The following SPEF2 variants were observed in gnomAD, a reference collection of about 807,000 sequenced individuals.
The protein encoded by SPEF2 is sperm flagellar and cilia associated 2.
In SPEF2, 187 loss-of-function variants were observed where a neutral mutation model predicts 224.6. The observed-to-expected ratio is 0.83, with a 90% CI of 0.74 to 0.94. The LOEUF is 0.94. Among genes scored for constraint, SPEF2 ranks in the 40% least tolerant of loss-of-function variants. The pLI, the probability that SPEF2 is intolerant of heterozygous loss-of-function variation, is 0.00. For missense variants in SPEF2, 2,170 were observed against 2,135.6 expected (o/e 1.02, Z -0.32); for synonymous variants, 715 against 707.3 (o/e 1.01, Z -0.17).
At chr5:35,654,850 C>T (rs1748743312) in intron 7 of SPEF2, 124 bp downstream of exon 7, 5 of 747,226 alleles carry the variant, frequency 6.7e-6, no homozygotes, top group African/African-American at 1.8e-5. Flanking sequence ...GTCACTTTCA[C>T]ATCCTCATCA....
At chr5:35,636,165 G>C (rs1255094004) in intron 2 of SPEF2, among the ~76,000 whole-genome samples, 2 of 152,108 alleles carry the variant, frequency 1.3e-5, no homozygotes, top group Non-Finnish European at 2.9e-5. Flanking sequence ...TAAAGTCTAT[G>C]TTCCCTCTTG....
chr5:35,665,768 A>G (rs913560063), intron 8 of SPEF2, among the ~76,000 whole-genome samples: 13 of 152,124 alleles, frequency 8.5e-5, no homozygotes, highest in Admixed American at 3.9e-4. Flanking sequence ...CTCTTTCTCC[A>G]TAAAAACAGG....
chr5:35,618,177 G>T (rs1211177839), intron 1 of SPEF2, 122 bp downstream of exon 1: 1 of 1,057,534 alleles, frequency 9.5e-7, no homozygotes, highest in Admixed American at 2.1e-5. Flanking sequence ...TGGGGCACCT[G>T]CGTAGCCGGC....
intron 10 of SPEF2, among the ~76,000 whole-genome samples, chr5:35,672,940 CAT>C (rs1323302011): frequency 1.3e-5 from 2 of 152,146 alleles, no homozygotes; most frequent in African/African-American, 4.8e-5. Flanking sequence ...TGCTTATGTA[CAT>C]GTCATATGTA....
intron 34 of SPEF2, among the ~76,000 whole-genome samples, chr5:35,804,610 T>A (rs756709938): frequency 2.0e-5 from 3 of 152,058 alleles, no homozygotes; most frequent in Non-Finnish European, 4.4e-5. Flanking sequence ...ACCAACCCCC[T>A]AGAGATCAAA....
intron 12 of SPEF2, 50 bp from the exon 13 acceptor site, chr5:35,694,238 A>G (rs375502936): frequency 4.9e-6 from 7 of 1,423,248 alleles, no homozygotes; most frequent in Admixed American, 1.8e-5. Context: ...GAGGATTATT[A>G]AAATATAGCA....
intron 7 of SPEF2, among the ~76,000 whole-genome samples, chr5:35,657,067 A>G (rs75126049): frequency 0.018 from 2,805 of 152,318 alleles, 91 homozygotes; most frequent in African/African-American, 0.065. Flanking sequence ...AAAATGGTAT[A>G]TGTCAGGGCT....
intron 30 of SPEF2, among the ~76,000 whole-genome samples, chr5:35,783,793 G>A (rs1388899375): frequency 6.6e-6 from 1 of 152,152 alleles, no homozygotes; most frequent in Non-Finnish European, 1.5e-5. Context: ...CAAACATCAA[G>A]TGCCAAATAC....
chr5:35,659,337 T>C (rs942945374), intron 8 of SPEF2, 130 bp downstream of exon 8: 3 of 843,366 alleles, frequency 3.6e-6, no homozygotes, highest in Non-Finnish European at 5.3e-6. Flanking sequence ...CAACCTGTTA[T>C]CTGCCCATTT....
chr5:35,789,109 A>G, intron 30 of SPEF2: 1 of 695,370 alleles, frequency 1.4e-6, no homozygotes, highest in Non-Finnish European at 2.6e-6. Context: ...CCTTGGAATA[A>G]TAATTTTGGG....
chr5:35,737,072 A>C (rs563121994), intron 21 of SPEF2, among the ~76,000 whole-genome samples: 30 of 152,216 alleles, frequency 2.0e-4, no homozygotes, highest in African/African-American at 7.0e-4. Flanking sequence ...TCCTATTACA[A>C]ATTCTTTGAA....
intron 16 of SPEF2, among the ~76,000 whole-genome samples, chr5:35,701,990 C>G (rs1332693989): frequency 4.6e-5 from 7 of 152,086 alleles, no homozygotes; most frequent in Admixed American, 4.6e-4. Context: ...AAAAAAATTG[C>G]ATTGCTCTGT....
At chr5:35,810,336 T>C (rs1160651027) in intron 36 of SPEF2, among the ~76,000 whole-genome samples, 1 of 152,024 alleles carries the variant, frequency 6.6e-6, no homozygotes, top group Non-Finnish European at 1.5e-5. Context: ...CTCAGCCTCC[T>C]GAGTAGCTGG....
chr5:35,730,640 G>A (rs781656424), intron 21 of SPEF2, among the ~76,000 whole-genome samples: 5 of 152,334 alleles, frequency 3.3e-5, no homozygotes, highest in Non-Finnish European at 5.9e-5. Context: ...CTTCTGCTTC[G>A]AATTTAGTAC....
At chr5:35,752,021 T>C (rs1365176648) in intron 23 of SPEF2, among the ~76,000 whole-genome samples, 1 of 152,204 alleles carries the variant, frequency 6.6e-6, no homozygotes, top group Non-Finnish European at 1.5e-5. Flanking sequence ...TCATGAGGCA[T>C]TAGATTCTCA....
chr5:35,711,027 G>T (rs1473121224), intron 19 of SPEF2, among the ~76,000 whole-genome samples: 1 of 152,122 alleles, frequency 6.6e-6, no homozygotes, highest in Admixed American at 6.5e-5. Flanking sequence ...GGGAAGCTTG[G>T]TTAGGCAATT....
chr5:35,656,400 T>C (rs1270098428), intron 7 of SPEF2, among the ~76,000 whole-genome samples: 1 of 152,258 alleles, frequency 6.6e-6, no homozygotes, highest in Non-Finnish European at 1.5e-5. Flanking sequence ...TAGAAAGTTA[T>C]TTCTTCATAT....
chr5:35,736,529 C>T (rs1478250450), intron 21 of SPEF2, among the ~76,000 whole-genome samples: 1 of 151,648 alleles, frequency 6.6e-6, no homozygotes. Flanking sequence ...CTTATAAAAC[C>T]ATCATGTCAC....
At chr5:35,790,509 C>CATTT (rs1390425389) in intron 30 of SPEF2, 3 of 419,586 alleles carry the variant, frequency 7.1e-6, no homozygotes, top group Non-Finnish European at 1.3e-5. Context: ...AAACAAAAGG[C>CATTT]ATTTGGCTTC....
Sources: gnomAD v4.1 joint callset for allele counts (sites outside exome capture counted in the v4.1 genomes callset) on GRCh38, gnomAD v4.1.1 for gene constraint, MANE v1.5 for transcripts, NCBI Gene and HGNC (gene_info 2026-07-23, HGNC 2026-07-21) for gene names.